Variants in RARB observed in about 807,000 individuals in gnomAD.
RARB encodes retinoic acid receptor beta, also known as HBV-activated protein.
Under a neutral mutation model 51.9 loss-of-function variants are expected in RARB, and 17 were observed. That is an observed-to-expected ratio of 0.33 (90% confidence interval 0.22 to 0.49). RARB has a LOEUF of 0.49. Ranked by LOEUF, RARB falls within the 20% of genes least tolerant of loss-of-function variation. RARB has a pLI of 0.99. For missense variants in RARB, 369 were observed against 550.8 expected (o/e 0.67, Z 3.30); for synonymous variants, 215 against 195.4 (o/e 1.10, Z -0.84).
At chr3:25,593,228 ATGTTTATT>A (rs1363510447) in intron 5 of RARB, among the ~76,000 whole-genome samples, 1 of 151,794 alleles carries the variant, frequency 6.6e-6, no homozygotes, top group Non-Finnish European at 1.5e-5. Context: ...CACTCAGTAA[ATGTTTATT>A]TGAGTCAAGT....
intron 5 of RARB, among the ~76,000 whole-genome samples, chr3:25,379,994 G>A (rs1002212355): frequency 6.6e-6 from 1 of 152,082 alleles, no homozygotes; most frequent in African/African-American, 2.4e-5. Context: ...AAGAATGACT[G>A]TGTAAGCTGC....
chr3:25,353,089 T>A (rs572520032), intron 5 of RARB, among the ~76,000 whole-genome samples: 2 of 152,256 alleles, frequency 1.3e-5, no homozygotes, highest in East Asian at 1.9e-4. Flanking sequence ...AGTTTCTAAC[T>A]GCCTTTTGGA....
chr3:25,106,471 TTG>T lies in RARB; in HGVS notation c.-327-25688_-327-25687del, dbSNP rs1172539074. On this transcript the variant is annotated intron_variant, in intron 3 of 11. Transcript: ENST00000383772. ...TTTTTGTTTTTTGTTTTTTTTTGTT[TTG>T]TTTTTTTTTTGTAGAGACAGGGTTT... Among the ~76,000 whole-genome samples the T allele has an allele frequency of 3.8e-4, 50 of 131,576 alleles. 2 individuals are homozygous for T. Among genetic ancestry groups the T allele is most frequent in the East Asian group, 2.0e-3 (8 of 3,960 alleles). The allele number at this position is 131,576 out of a possible 152,430, so 86.3% of individuals were successfully genotyped here.
chr3:25,083,565 T>C (rs937974578), intron 3 of RARB, among the ~76,000 whole-genome samples: 4 of 152,246 alleles, frequency 2.6e-5, no homozygotes, highest in East Asian at 1.9e-4. Context: ...ATTTAAACTA[T>C]TGAATATATT....
At chr3:24,989,048 A>G (rs1403180782) in intron 2 of RARB, among the ~76,000 whole-genome samples, 1 of 150,480 alleles carries the variant, frequency 6.6e-6, no homozygotes, top group Non-Finnish European at 1.5e-5. Context: ...CTGGTCTTGA[A>G]CTCCTGACCT....
chr3:25,112,514 T>A (rs938834907), intron 3 of RARB, among the ~76,000 whole-genome samples: 5 of 152,280 alleles, frequency 3.3e-5, no homozygotes, highest in African/African-American at 1.2e-4. Context: ...TGGTGGCTCA[T>A]ACCTGTAATC....
In RARB at chr3:24,846,151, C is replaced by A. The variant is rs541290332; in HGVS notation, c.-458-12523C>A. Among the ~76,000 whole-genome samples the A allele has an allele frequency of 5.9e-5, 9 of 152,266 alleles. No individual in the cohort carries two copies. In the South Asian group the frequency reaches 1.5e-3, roughly 25 times the overall value. On this transcript the variant is annotated intron_variant, in intron 1 of 11. Coordinates refer to the RARB transcript ENST00000383772. Reference sequence around the variant, plus strand: ...TAAGACAAAATTGGTGGTTTAACATCTTTTTCATTAATGTGCTGGCTCTGC... The same window carrying A: ...TAAGACAAAATTGGTGGTTTAACATATTTTTCATTAATGTGCTGGCTCTGC...
chr3:25,138,309 C>CTGCA (rs1700061661), intron 4 of RARB, among the ~76,000 whole-genome samples: 1 of 151,620 alleles, frequency 6.6e-6, no homozygotes, highest in African/African-American at 2.4e-5. Flanking sequence ...TGTGATACAA[C>CTGCA]CTTTTGAAAG....
chr3:25,014,262 T>C (rs957725253), intron 2 of RARB, among the ~76,000 whole-genome samples: 1 of 152,002 alleles, frequency 6.6e-6, no homozygotes, highest in Non-Finnish European at 1.5e-5. Flanking sequence ...TCTTTTGCAT[T>C]GTTTGGATCA....
chr3:24,958,954 C>T (rs1051288649), intron 2 of RARB, among the ~76,000 whole-genome samples: 1 of 152,180 alleles, frequency 6.6e-6, no homozygotes, highest in African/African-American at 2.4e-5. Context: ...AGGGGGATCA[C>T]ACAGGTGAGC....
intron 3 of RARB, among the ~76,000 whole-genome samples, chr3:25,105,034 A>G (rs1195538015): frequency 6.6e-6 from 1 of 152,218 alleles, no homozygotes; most frequent in African/African-American, 2.4e-5. Context: ...ACTTTTCTAT[A>G]AGAATTAATA....
intron 5 of RARB, among the ~76,000 whole-genome samples, chr3:25,400,241 T>C (rs1040379465): frequency 6.6e-6 from 1 of 152,206 alleles, no homozygotes; most frequent in African/African-American, 2.4e-5. Context: ...CTCCCCATTC[T>C]TTCCCACACA....
At chr3:24,950,756 T>G (rs1040655404) in intron 2 of RARB, among the ~76,000 whole-genome samples, 1 of 149,666 alleles carries the variant, frequency 6.7e-6, no homozygotes. Context: ...AGAGAGGATA[T>G]CATATAAATA....
chr3:25,094,124 G>A, intron 3 of RARB, among the ~76,000 whole-genome samples: 1 of 152,198 alleles, frequency 6.6e-6, no homozygotes, highest in Admixed American at 6.5e-5. Context: ...TTAAGAACTA[G>A]CCATTGAGTT....
At chr3:25,074,295 A>G (rs1698827771) in intron 3 of RARB, among the ~76,000 whole-genome samples, 1 of 152,220 alleles carries the variant, frequency 6.6e-6, no homozygotes, top group African/African-American at 2.4e-5. Context: ...GGAGGTTTTC[A>G]GTTACATAGG....
At chr3:24,997,057 T>G (rs1470302969) in intron 2 of RARB, among the ~76,000 whole-genome samples, 1 of 152,154 alleles carries the variant, frequency 6.6e-6, no homozygotes, top group Non-Finnish European at 1.5e-5. Flanking sequence ...AGTGGGATAT[T>G]GAGTTCTCCA....
At chr3:25,226,969 A>G (rs1702069559) in intron 5 of RARB, among the ~76,000 whole-genome samples, 1 of 152,216 alleles carries the variant, frequency 6.6e-6, no homozygotes, top group Non-Finnish European at 1.5e-5. Flanking sequence ...TAAGATGATA[A>G]TTGTTTATTT....
At chr3:25,210,582 C>G (rs1701672619) in intron 5 of RARB, among the ~76,000 whole-genome samples, 1 of 119,152 alleles carries the variant, frequency 8.4e-6, no homozygotes, top group African/African-American at 3.1e-5. Context: ...GTTGCCCAGG[C>G]AAGAGTGCAG....
At chr3:25,388,698 A>T (rs1706863548) in intron 5 of RARB, among the ~76,000 whole-genome samples, 1 of 152,244 alleles carries the variant, frequency 6.6e-6, no homozygotes, top group Non-Finnish European at 1.5e-5. Flanking sequence ...AGAGCTTAGC[A>T]TAAGAAAGTA....
Sources: gnomAD v4.1 joint callset for allele counts (sites outside exome capture counted in the v4.1 genomes callset) on GRCh38, gnomAD v4.1.1 for gene constraint, MANE v1.5 for transcripts, NCBI Gene and HGNC (gene_info 2026-07-23, HGNC 2026-07-21) for gene names.